MZT2B: variants seen among roughly 807,000 people sequenced by gnomAD.
MZT2B encodes the protein mitotic-spindle organizing protein 2B.
A neutral mutation model predicts 12.1 loss-of-function variants in MZT2B; 11 were observed. The observed-to-expected ratio is 0.91, with a 90% CI of 0.57 to 1.50. The LOEUF is 1.50. MZT2B is among the 40% of genes most tolerant of loss of function. The pLI, the probability that MZT2B is intolerant of heterozygous loss-of-function variation, is 0.00. For missense variants in MZT2B, 209 were observed against 227.7 expected, an observed-to-expected ratio of 0.92 and a Z score of 0.53; for synonymous variants, 85 against 109.5, an observed-to-expected ratio of 0.78 and a Z score of 1.40.
At chr2:130,189,604 C>T (rs1300594961) in intron 2 of MZT2B, among the ~76,000 whole-genome samples, 1 of 152,176 alleles carries the variant, frequency 6.6e-6, no homozygotes, top group Admixed American at 6.5e-5. Context: ...TCTGTGACCC[C>T]ACGGGCAAGC....
In MZT2B at chr2:130,190,645, T is replaced by C. The variant is rs1043167; in HGVS notation, c.*19T>C. 1 of 1,588,560 alleles carries C rather than the reference T, an allele frequency of 6.3e-7. No homozygotes were observed. On this transcript the variant is annotated 3_prime_UTR_variant, in exon 3 of 3. Transcript: ENST00000281871. ...CACCTAGGATGGGGCAGAGACTTGT[T>C]GCATCTTTGTCCCCAGCAAAGGCTA...
chr2:130,192,298 G>A (rs180759630), downstream of MZT2B, among the ~76,000 whole-genome samples: 11 of 152,296 alleles, frequency 7.2e-5, no homozygotes, highest in African/African-American at 2.2e-4. Context: ...AGTTCCAGAC[G>A]AGGAATAGAG....
the MZT2B span, among the ~76,000 whole-genome samples, chr2:130,198,643 T>G: frequency 8.1e-6 from 1 of 123,452 alleles, no homozygotes; most frequent in African/African-American, 2.9e-5. Context: ...GCTGAGGCAT[T>G]TCCGGGGTGT....
rs1043216 is a variant in MZT2B, at chr2:130,190,611, A to G, written c.462A>G (p.Thr154=). 2.5e-6 allele frequency: 4 copies of G among 1,607,836 alleles called. No individual in the cohort carries two copies. The highest frequency in any genetic ancestry group is 3.4e-6 in the Non-Finnish European group (4 of 1,175,352). Residue 154 remains threonine (T), a synonymous_variant, in exon 3 of 3, where the codon ACA becomes ACG. Transcript: ENST00000281871. ...GGGGCGGGCCTGGGAAGAGCCCTAC[A>G]CGGGGCAGCACCTAGGATGGGGCAG... ...PKGGGPGKSP[T]RGST
At chr2:130,189,566 G>A (rs1334723305) in intron 2 of MZT2B, among the ~76,000 whole-genome samples, 1 of 152,272 alleles carries the variant, frequency 6.6e-6, no homozygotes, top group East Asian at 1.9e-4. Context: ...GCAGGGGAGA[G>A]CCCTGGCCAA....
the MZT2B span, chr2:130,204,113 C>A: frequency 5.8e-5 from 75 of 1,286,622 alleles, no homozygotes; most frequent in Non-Finnish European, 7.6e-5. Flanking sequence ...GACTAAATGT[C>A]CAGCCTTCCA....
chr2:130,186,074 T>TA lies in MZT2B; in HGVS notation c.319+3300dup, dbSNP rs1690049234. Among the ~76,000 whole-genome samples the TA allele has an allele frequency of 2.0e-5, 3 of 152,032 alleles. No homozygotes were observed. In the East Asian group the frequency reaches 5.8e-4, roughly 30 times the overall value. Reference sequence around the variant, plus strand: ...TGAGAGCTCTCTGAGGCCCACATGTTACAGCATCTGACCACACAGAGCTCC... The same window carrying TA: ...TGAGAGCTCTCTGAGGCCCACATGTTAACAGCATCTGACCACACAGAGCTCC... On this transcript the variant is annotated intron_variant, in intron 2 of 2. Coordinates refer to ENST00000281871, the MANE Select transcript of MZT2B (RefSeq NM_025029.5).
chr2:130,204,483 G>C, the MZT2B span: 10 of 338,064 alleles, frequency 3.0e-5, no homozygotes, highest in African/African-American at 1.5e-4. Flanking sequence ...CTGAGGTCAG[G>C]AGTTTGAGAC....
intron 2 of MZT2B, chr2:130,184,481 C>T (rs1016277771): frequency 3.3e-5 from 33 of 985,406 alleles, no homozygotes; most frequent in Middle Eastern, 5.2e-4. Context: ...CCTGAGTTAG[C>T]ACACTTTCCA....
downstream of MZT2B, chr2:130,193,939 C>T (rs759262422): frequency 1.1e-4 from 172 of 1,613,908 alleles, no homozygotes; most frequent in Middle Eastern, 5.0e-4. Flanking sequence ...ACTTGACCAT[C>T]TGATTGGCTG....
the MZT2B span, among the ~76,000 whole-genome samples, chr2:130,197,319 C>G: frequency 6.7e-6 from 1 of 148,584 alleles, no homozygotes; most frequent in African/African-American, 2.5e-5. Context: ...AGTCCCTGTC[C>G]CTATGAAAAA....
At chr2:130,185,116 C>T (rs1690007157) in intron 2 of MZT2B, among the ~76,000 whole-genome samples, 1 of 151,938 alleles carries the variant, frequency 6.6e-6, no homozygotes, top group South Asian at 2.1e-4. Flanking sequence ...GAGACCATCC[C>T]GGCTAACACG....
the MZT2B span, among the ~76,000 whole-genome samples, chr2:130,197,870 A>T: frequency 8.0e-6 from 1 of 124,990 alleles, no homozygotes; most frequent in South Asian, 2.7e-4. Context: ...CACCTCCCCA[A>T]GGGCTGGGAT....
At chr2:130,199,552 A>T in the MZT2B span, among the ~76,000 whole-genome samples, 2 of 121,738 alleles carry the variant, frequency 1.6e-5, 1 homozygote, top group Non-Finnish European at 3.6e-5. Flanking sequence ...TCCATCTTGA[A>T]AAAAAAAATA....
intron 2 of MZT2B, chr2:130,183,790 C>A (rs1427529386): frequency 6.4e-7 from 1 of 1,550,562 alleles, no homozygotes; most frequent in East Asian, 2.4e-5. Context: ...CCTCCAGAGG[C>A]CTCCTTTCTC....
intron 2 of MZT2B, among the ~76,000 whole-genome samples, chr2:130,185,479 CA>C (rs11316338): frequency 0.96 from 73,771 of 76,600 alleles, 35,603 homozygotes; most frequent in Middle Eastern, 0.99. Flanking sequence ...GACCCTGTCT[CA>C]AAAAAAAAAA....
downstream of MZT2B, among the ~76,000 whole-genome samples, chr2:130,194,750 T>A (rs1690362373): frequency 1.3e-5 from 2 of 152,166 alleles, no homozygotes; most frequent in Admixed American, 1.3e-4. Flanking sequence ...CAATCTCAGC[T>A]CACTGCAACC....
intron 2 of MZT2B, among the ~76,000 whole-genome samples, chr2:130,185,479 C>A (rs1690025520): frequency 5.2e-5 from 4 of 76,534 alleles, no homozygotes; most frequent in African/African-American, 7.9e-5. Context: ...GACCCTGTCT[C>A]AAAAAAAAAA....
intron 2 of MZT2B, chr2:130,183,730 G>C: frequency 6.4e-7 from 1 of 1,550,448 alleles, no homozygotes; most frequent in Non-Finnish European, 8.7e-7. Context: ...CTGCGTGCTG[G>C]CCTCTTCACT....
Sources: gnomAD v4.1 joint callset for allele counts (sites outside exome capture counted in the v4.1 genomes callset) on GRCh38, gnomAD v4.1.1 for gene constraint, MANE v1.5 for transcripts, NCBI Gene and HGNC (gene_info 2026-07-23, HGNC 2026-07-21) for gene names.